SCEL: variants seen among roughly 807,000 people sequenced by gnomAD.
SCEL encodes sciellin.
Under a neutral mutation model 117.6 loss-of-function variants are expected in SCEL, and 113 were observed. That is an observed-to-expected ratio of 0.96 (90% CI 0.83 to 1.12). SCEL has a LOEUF of 1.12. Ranked by LOEUF, SCEL falls within the 50% of genes most tolerant of loss-of-function variation. The pLI is 0.00. For missense variants in SCEL, 785 were observed against 810.8 expected (o/e 0.97, Z 0.39); for synonymous variants, 270 against 256.2 (o/e 1.05, Z -0.51).
At chr13:77,615,255 T>A (rs920379862) in intron 24 of SCEL, among the ~76,000 whole-genome samples, 2 of 152,056 alleles carry the variant, frequency 1.3e-5, no homozygotes, top group Non-Finnish European at 2.9e-5. Context: ...ATGAGAATAC[T>A]GAGACCAGGG....
intron 27 of SCEL, among the ~76,000 whole-genome samples, chr13:77,626,144 A>C (rs890528114): frequency 3.3e-5 from 5 of 152,164 alleles, no homozygotes; most frequent in Non-Finnish European, 5.9e-5. Context: ...GTGGAAGGTG[A>C]AGGAGGAGCA....
chr13:77,583,421 G>A (rs542940584), intron 9 of SCEL, among the ~76,000 whole-genome samples: 33 of 152,290 alleles, frequency 2.2e-4, no homozygotes, highest in Non-Finnish European at 3.2e-4. Context: ...CCATTCTTTT[G>A]AACATGTGCC....
At chr13:77,606,411 C>A (rs2088194726) in intron 19 of SCEL, 1 of 152,090 alleles carries the variant, frequency 6.6e-6, no homozygotes, top group Non-Finnish European at 1.5e-5. Flanking sequence ...TTAAAGAGAT[C>A]AAGTCCTAAA....
In SCEL at chr13:77,567,722, T is replaced by C; in HGVS notation, c.333T>C (p.Asn111=). ...ATGCTGCTAAAACATATAAGGCCAA[T>C]ACCTTGGATAACCAACTAACCAATA... ...RNDAAKTYKA[N]TLDNQLTNRS... The change falls in exon 6 of 33, where the codon AAT becomes AAC. Residue 111 remains asparagine, a synonymous_variant. Coordinates refer to ENST00000349847, the MANE Select transcript of SCEL (RefSeq NM_144777.3). 1.9e-6 allele frequency: 3 copies of C among 1,607,114 alleles called. No homozygotes were observed. Among genetic ancestry groups the C allele is most frequent in the Non-Finnish European group, 2.6e-6 (3 of 1,176,366 alleles).
At chr13:77,635,088 G>A (rs549727280) in intron 29 of SCEL, among the ~76,000 whole-genome samples, 20 of 152,302 alleles carry the variant, frequency 1.3e-4, no homozygotes, top group Admixed American at 1.2e-3. Context: ...ATTTCAAAGA[G>A]GTCTAAGAGA....
rs570110693 is a variant in SCEL at position 77,553,856 on chromosome 13, A to G, written c.-19-2001A>G. ...TATTTCACCTCATGATGCAAATAAG[A>G]GACCTGAGCTAATAACATACCTAAG... On this transcript the variant is annotated intron_variant, in intron 1 of 32. Transcript: ENST00000349847. Among the ~76,000 whole-genome samples, 198 of 152,246 alleles carry G rather than the reference A, an allele frequency of 1.3e-3. 5 individuals are homozygous for G. In the South Asian group the frequency reaches 0.04, roughly 31 times the overall value.
At chr13:77,606,453 C>A (rs2088198620) in intron 19 of SCEL, 1 of 152,122 alleles carries the variant, frequency 6.6e-6, no homozygotes. Context: ...ACAACCAACA[C>A]AAAGGGAGGG....
intron 9 of SCEL, among the ~76,000 whole-genome samples, chr13:77,585,283 T>G (rs1156591320): frequency 6.6e-6 from 1 of 152,098 alleles, no homozygotes; most frequent in African/African-American, 2.4e-5. Flanking sequence ...AATGTAGGGA[T>G]GTATATAGCA....
At chr13:77,604,480 T>C in intron 19 of SCEL, 65 bp downstream of exon 19, 1 of 1,327,996 alleles carries the variant, frequency 7.5e-7, no homozygotes, top group South Asian at 1.5e-5. Context: ...GAATTCTGAG[T>C]GTTGGTATTC....
intron 1 of SCEL, among the ~76,000 whole-genome samples, chr13:77,552,114 C>G (rs943774051): frequency 6.6e-6 from 1 of 152,016 alleles, no homozygotes; most frequent in African/African-American, 2.4e-5. Context: ...TTTGGGTTGG[C>G]TCCAAGTCTT....
intron 32 of SCEL, 110 bp from the exon 33 acceptor site, chr13:77,644,148 G>A: frequency 8.3e-7 from 1 of 1,198,136 alleles, no homozygotes; most frequent in Non-Finnish European, 1.2e-6. Flanking sequence ...GGAAGGAAAA[G>A]TGGAATCCTT....
Position 77,599,703 on chromosome 13 carries a change from A to G in SCEL, c.872A>G (p.Glu291Gly). ...EEREKRAKSL[E>G]SLIYMSTRTD... ...TGTGTTTTCAGAGCCAAAAGCCTTG[A>G]AAGTCTCATCTATATGAGTACCCGG... Residue 291 changes from glutamate to glycine, a missense_variant, in exon 15 of 33, where the codon GAA becomes GGA. Coordinates refer to ENST00000349847, the MANE Select transcript of SCEL (RefSeq NM_144777.3). 1 of 1,611,890 alleles carries G rather than the reference A, an allele frequency of 6.2e-7. No individual in the cohort carries two copies. Among genetic ancestry groups the G allele is most frequent in the Non-Finnish European group, 8.5e-7 (1 of 1,177,930 alleles).
chr13:77,575,394 T>C (rs2085882966), intron 9 of SCEL, among the ~76,000 whole-genome samples: 1 of 152,222 alleles, frequency 6.6e-6, no homozygotes, highest in African/African-American at 2.4e-5. Flanking sequence ...TTACATGTAA[T>C]TGTATGTTTA....
chr13:77,574,401 C>G (rs1456995461), intron 9 of SCEL, among the ~76,000 whole-genome samples: 1 of 152,154 alleles, frequency 6.6e-6, no homozygotes, highest in Non-Finnish European at 1.5e-5. Flanking sequence ...GATTATTAGG[C>G]TAGGTTGATC....
chr13:77,553,207 G>A (rs889147070), intron 1 of SCEL, among the ~76,000 whole-genome samples: 2 of 152,186 alleles, frequency 1.3e-5, no homozygotes, highest in African/African-American at 4.8e-5. Context: ...CAGATGCTGG[G>A]AATAGAAAGA....
intron 8 of SCEL, among the ~76,000 whole-genome samples, chr13:77,571,479 G>A (rs971125482): frequency 4.1e-4 from 62 of 151,640 alleles, no homozygotes; most frequent in Admixed American, 3.4e-3. Flanking sequence ...ACCTGAGGTC[G>A]GGAGTTCGAG....
intron 14 of SCEL, 91 bp downstream of exon 14, chr13:77,599,479 C>A: frequency 8.9e-7 from 1 of 1,128,312 alleles, no homozygotes. Context: ...GTTGTATCCT[C>A]TGGCATGGAA....
At chr13:77,614,167 G>A (rs1030669527) in intron 24 of SCEL, among the ~76,000 whole-genome samples, 1 of 152,156 alleles carries the variant, frequency 6.6e-6, no homozygotes, top group Non-Finnish European at 1.5e-5. Flanking sequence ...TAAGCCTCCA[G>A]TAAAGGAATT....
chr13:77,553,890 G>A (rs2084496336), intron 1 of SCEL, among the ~76,000 whole-genome samples: 2 of 152,044 alleles, frequency 1.3e-5, no homozygotes, highest in African/African-American at 2.4e-5. Flanking sequence ...AGGTGACACA[G>A]TCAGTAAACA....
Sources: gnomAD v4.1 joint callset for allele counts (sites outside exome capture counted in the v4.1 genomes callset) on GRCh38, gnomAD v4.1.1 for gene constraint, MANE v1.5 for transcripts, NCBI Gene and HGNC (gene_info 2026-07-23, HGNC 2026-07-21) for gene names.